Variants in RELCH observed in about 807,000 individuals in gnomAD.
RELCH encodes the protein RAB11 binding and LisH domain, coiled-coil and HEAT repeat containing.
A neutral mutation model predicts 150.3 loss-of-function variants in RELCH; 41 were observed. That is an observed-to-expected ratio of 0.27 (90% CI 0.21 to 0.35). The LOEUF is 0.35. Among genes scored for constraint, RELCH ranks in the 10% least tolerant of loss-of-function variants. RELCH has a pLI of 1.00. For missense variants in RELCH, 1,092 were observed against 1,467.8 expected, an observed-to-expected ratio of 0.74 and a Z score of 4.18; for synonymous variants, 478 against 531.8, an observed-to-expected ratio of 0.90 and a Z score of 1.39.
At chr18:62,205,518 G>C (rs2039723252) in intron 1 of RELCH, among the ~76,000 whole-genome samples, 1 of 152,142 alleles carries the variant, frequency 6.6e-6, no homozygotes, top group Non-Finnish European at 1.5e-5. Context: ...AAGCGTTTGA[G>C]ATTCACTCAT....
intron 12 of RELCH, among the ~76,000 whole-genome samples, chr18:62,254,957 T>C (rs978572): frequency 0.73 from 111,626 of 152,018 alleles, 41,234 homozygotes; most frequent in East Asian, 0.91. Flanking sequence ...CTAGCAAGGG[T>C]TCTGGTCAAA....
intron 5 of RELCH, among the ~76,000 whole-genome samples, chr18:62,221,999 T>A (rs563836178): frequency 6.6e-6 from 1 of 152,060 alleles, no homozygotes; most frequent in East Asian, 1.9e-4. Flanking sequence ...CCTGATAAAA[T>A]CTCTTTAAGC....
chr18:62,255,325 ATT>A, intron 12 of RELCH, 80 bp from the exon 13 acceptor site: 1 of 941,766 alleles, frequency 1.1e-6, no homozygotes, highest in Non-Finnish European at 1.7e-6. Flanking sequence ...TCTTAACAGG[ATT>A]TGTGGTGAAA....
intron 13 of RELCH, 26 bp downstream of exon 13, chr18:62,255,504 T>C: frequency 6.5e-7 from 1 of 1,532,562 alleles, no homozygotes; most frequent in Non-Finnish European, 8.9e-7. Context: ...TTTTTTTCTT[T>C]AAACTATTTT....
At chr18:62,227,197 A>T in intron 5 of RELCH, 92 bp from the exon 6 acceptor site, 2 of 502,752 alleles carry the variant, frequency 4.0e-6, no homozygotes, top group Non-Finnish European at 3.1e-6. Flanking sequence ...ACCGATCTTA[A>T]AAAAAAAAAA....
intron 10 of RELCH, among the ~76,000 whole-genome samples, chr18:62,235,872 A>G (rs1399686823): frequency 1.3e-5 from 2 of 151,972 alleles, no homozygotes; most frequent in Admixed American, 6.6e-5. Context: ...GATTTTCTAC[A>G]TATATAGAAT....
rs1765256997 is a variant in RELCH, at chr18:62,264,063, G to A, written c.2425G>A (p.Val809Met). The change falls in exon 17 of 29, where the codon GTG becomes ATG. Residue 809 changes from valine to methionine, a missense_variant. This residue lies in a region of RELCH where 707 missense variants were observed against 1,025.4 expected (regional missense o/e 0.69). Coordinates refer to ENST00000644646, the MANE Select transcript of RELCH (RefSeq NM_001346231.2). ...TATCGGAAGTCGTGAGCAATTGGCA[G>A]TGCTGCTGCAACTTTATGACTACCA... ...TIIGSREQLA[V>M]LLQLYDYQLE... 2.5e-6 allele frequency: 4 copies of A among 1,607,206 alleles called. No individual in the cohort carries two copies. The African/African-American group carries it at 4.0e-5, about 16-fold the overall frequency.
chr18:62,233,752 A>G (rs949993959), intron 10 of RELCH, among the ~76,000 whole-genome samples: 1 of 151,846 alleles, frequency 6.6e-6, no homozygotes, highest in Non-Finnish European at 1.5e-5. Context: ...TATTTCCTTA[A>G]TATCATCTTT....
chr18:62,275,708 CTT>C (rs886229289), intron 22 of RELCH: 1 of 346,968 alleles, frequency 2.9e-6, no homozygotes, highest in South Asian at 6.1e-5. Context: ...TCAATTATCA[CTT>C]TTATTTCTCA....
At chr18:62,294,896 A>G (rs1456486140) in intron 27 of RELCH, among the ~76,000 whole-genome samples, 1 of 152,182 alleles carries the variant, frequency 6.6e-6, no homozygotes, top group Non-Finnish European at 1.5e-5. Flanking sequence ...CTGATTGGCA[A>G]TGCTGCCTCT....
At chr18:62,230,859 G>A (rs1385266198) in intron 8 of RELCH, among the ~76,000 whole-genome samples, 1 of 152,048 alleles carries the variant, frequency 6.6e-6, no homozygotes, top group East Asian at 1.9e-4. Flanking sequence ...ATTGGGGTTG[G>A]AGAAAGTCCT....
intron 2 of RELCH, among the ~76,000 whole-genome samples, chr18:62,217,372 A>G (rs1328300613): frequency 6.6e-6 from 1 of 152,036 alleles, no homozygotes; most frequent in African/African-American, 2.4e-5. Flanking sequence ...CTGAACTATG[A>G]CAATTGCAGA....
At chr18:62,219,325 C>CTTTTTTTTTTTTTTTTT (rs202196452) in intron 2 of RELCH, among the ~76,000 whole-genome samples, 2 of 112,876 alleles carry the variant, frequency 1.8e-5, no homozygotes, top group Non-Finnish European at 3.6e-5. Context: ...TTCTTTTTTT[C>CTTTTTTTTTTTTTTTTT]TTTTTTTTTT....
At chr18:62,217,602 T>G (rs901223839) in intron 2 of RELCH, among the ~76,000 whole-genome samples, 1 of 151,958 alleles carries the variant, frequency 6.6e-6, no homozygotes, top group African/African-American at 2.4e-5. Context: ...AATATTGAAC[T>G]AGTAATTTAT....
At chr18:62,239,780 A>G (rs1415129321) in intron 10 of RELCH, among the ~76,000 whole-genome samples, 2 of 151,872 alleles carry the variant, frequency 1.3e-5, no homozygotes, top group Non-Finnish European at 2.9e-5. Flanking sequence ...TCATGTTTGC[A>G]TTATTGTTTT....
At chr18:62,200,127 C>A (rs1328845383) in intron 1 of RELCH, among the ~76,000 whole-genome samples, 1 of 152,082 alleles carries the variant, frequency 6.6e-6, no homozygotes, top group East Asian at 1.9e-4. Context: ...TTTGAAGTTC[C>A]ACTCTTTCTG....
intron 10 of RELCH, among the ~76,000 whole-genome samples, chr18:62,240,565 C>G (rs930841353): frequency 6.6e-6 from 1 of 151,722 alleles, no homozygotes; most frequent in African/African-American, 2.4e-5. Flanking sequence ...CACACCACCA[C>G]GCCCAGCTAA....
intron 26 of RELCH, among the ~76,000 whole-genome samples, chr18:62,289,408 C>G (rs2044994709): frequency 6.6e-6 from 1 of 152,130 alleles, no homozygotes. Flanking sequence ...ATTAGAAAAA[C>G]TATAGTGTAT....
intron 10 of RELCH, among the ~76,000 whole-genome samples, chr18:62,233,334 T>C (rs369587410): frequency 6.6e-6 from 1 of 151,864 alleles, no homozygotes; most frequent in Non-Finnish European, 1.5e-5. Context: ...CTTCTTAATA[T>C]TTACCACTGA....
Sources: allele counts gnomAD v4.1 joint callset (sites outside exome capture counted in the v4.1 genomes callset), GRCh38; gene constraint gnomAD v4.1.1; regional missense constraint gnomAD v4.1.1; transcripts MANE v1.5; gene names NCBI Gene and HGNC (gene_info 2026-07-23, HGNC 2026-07-21).